ASL: variants seen among roughly 807,000 people sequenced by gnomAD.
ASL encodes the protein argininosuccinase.
In ASL, 51 loss-of-function variants were observed where a neutral mutation model predicts 69.1. The ratio of observed to expected loss-of-function variants is 0.74; its 90% CI spans 0.59 to 0.93. The LOEUF (loss-of-function observed/expected upper bound fraction) is 0.93, where lower values mean the gene tolerates loss of function less well. ASL is among the 40% of genes least tolerant of loss of function. The pLI, the probability that ASL is intolerant of heterozygous loss-of-function variation, is 0.00. For synonymous variants in ASL, 241 were observed against 247.6 expected (o/e 0.97, Z 0.25); for missense variants, 540 against 623.9 (o/e 0.87, Z 1.43).
chr7:66,091,874 G>A, intron 14 of ASL, 132 bp from the exon 15 acceptor site: 1 of 860,576 alleles, frequency 1.2e-6, no homozygotes, highest in Non-Finnish European at 2.0e-6. Flanking sequence ...AGTTGAGAGT[G>A]AGACAGAGCC....
In ASL at chr7:66,093,191, CA is replaced by C; in HGVS notation, c.*280del. ...AAATAGCCTGGCGTGGTGGCCCATG[CA>C]TATAGTCCCAGCTACTTGTAAGGCT... On this transcript the variant is annotated 3_prime_UTR_variant, in exon 17 of 17. Transcript: ENST00000304874. The C allele has an allele frequency of 1.9e-6, 1 of 522,912 alleles. No homozygotes were observed. Among genetic ancestry groups the C allele is most frequent in the South Asian group, 2.0e-5 (1 of 50,072 alleles). 32.4% of individuals were successfully genotyped at this position (522,912 alleles called of 1,614,324 possible). A position where few individuals can be genotyped will look rare whatever the true frequency, so the allele number is the denominator to read the frequency against.
chr7:66,080,175 T>C (rs1786459466), intron 2 of ASL, among the ~76,000 whole-genome samples: 1 of 150,508 alleles, frequency 6.6e-6, no homozygotes, highest in Non-Finnish European at 1.5e-5. Flanking sequence ...GAGGTCAGAT[T>C]AAGACCATCC....
intron 8 of ASL, 178 bp downstream of exon 8, chr7:66,086,999 G>A: frequency 1.2e-6 from 1 of 823,074 alleles, no homozygotes; most frequent in Non-Finnish European, 1.9e-6. Context: ...GAATGTGTCT[G>A]AGCAGGGCCA....
chr7:66,082,241 C>T lies in ASL; in HGVS notation c.208-127C>T, dbSNP rs187671721. The T allele has an allele frequency of 1.0e-3, 1,175 of 1,133,586 alleles. 3 individuals are homozygous for T. The African/African-American group carries it at 0.014, about 13-fold the overall frequency. The allele number at this position is 1,133,586 out of a possible 1,614,324, so 70.2% of individuals were successfully genotyped here. The stretch of plus-strand genomic sequence containing the variant: ...GCCTGAGATGCCCCCTCCCAGGGTG[C>T]GCTTCCAGGACTCAGCTCCTGGGCA... On this transcript the variant is annotated intron_variant, in intron 3 of 16. Coordinates refer to ENST00000304874, the MANE Select transcript of ASL (RefSeq NM_000048.4).
Position 66,092,485 on chromosome 7 carries a change from G to A in ASL, c.1144-72G>A, listed in dbSNP as rs570936087. On this transcript the variant is annotated intron_variant, in intron 15 of 16. Coordinates refer to ENST00000304874, the MANE Select transcript of ASL (RefSeq NM_000048.4). ...AGAAAAAAAAAAAAAAAAGGAAGGGGGTGCAGGCAATGGAGGCAGATCAGG... is the reference window on the plus strand; with the variant it reads ...AGAAAAAAAAAAAAAAAAGGAAGGGAGTGCAGGCAATGGAGGCAGATCAGG... The A allele has an allele frequency of 1.3e-5, 18 of 1,373,984 alleles. No individual in the cohort carries two copies. The African/African-American group carries it at 2.1e-4, about 16-fold the overall frequency. 85.1% of individuals were successfully genotyped at this position (1,373,984 alleles called of 1,614,324 possible).
intron 2 of ASL, among the ~76,000 whole-genome samples, chr7:66,081,304 A>G (rs1433070972): frequency 1.3e-5 from 2 of 152,036 alleles, no homozygotes; most frequent in African/African-American, 4.8e-5. Flanking sequence ...TCAAGGCCAC[A>G]CACAGTGGCT....
rs1786786034 is a variant in ASL, at chr7:66,089,620, G to A, written c.987G>A (p.Lys329=). ...TGCCATGTGCCTCCCAGGAGGACAA[G>A]GAAGCTGTGTTTGAAGTGTCAGACA... The part of the protein sequence containing the change: ...STYNKDLQED[K]EAVFEVSDTM... The change falls in exon 14 of 17, where the codon AAG becomes AAA. Residue 329 remains lysine, a synonymous_variant. Transcript: ENST00000304874. 6.2e-7 allele frequency: 1 copy of A among 1,613,838 alleles called. No individual in the cohort carries two copies. Among genetic ancestry groups the A allele is most frequent in the Non-Finnish European group, 8.5e-7 (1 of 1,180,006 alleles).
chr7:66,092,817 G>T lies in ASL; in HGVS notation c.1300G>T (p.Val434Leu), dbSNP rs773071023. The change falls in exon 17 of 17, where the codon GTG (valine) becomes TTG (leucine). Residue 434 changes from valine (V) to leucine (L), a missense_variant. Coordinates refer to ENST00000304874, the MANE Select transcript of ASL (RefSeq NM_000048.4). Reference sequence around the variant, plus strand: ...CTGCGTGTGGGACTACGGGCACAGTGTGGAGCAGTATGGTGCCCTGGGCGG... The same window carrying T: ...CTGCGTGTGGGACTACGGGCACAGTTTGGAGCAGTATGGTGCCCTGGGCGG... ...VICVWDYGHS[V>L]EQYGALGGTA... is the part of the protein sequence containing the mutation. 9 of 1,613,874 alleles carry T rather than the reference G, an allele frequency of 5.6e-6. No homozygotes were observed. The South Asian group carries it at 8.8e-5, about 16-fold the overall frequency.
chr7:66,092,657 C>A lies in ASL; in HGVS notation c.1244C>A (p.Thr415Asn). ...CAGCTGTCACTGCAGGAGCTGCAGA[C>A]CATCAGGTACGGCCCATCCCCTTCC... is the stretch of plus-strand genomic sequence containing the variant. ...LNQLSLQELQ[T>N]ISPLFSGDVI... Residue 415 changes from threonine (T) to asparagine (N), a missense_variant, in exon 16 of 17, where the codon ACC becomes AAC. Thr to Asn is a moderately conservative substitution (Grantham distance 65). Coordinates refer to ENST00000304874, the MANE Select transcript of ASL (RefSeq NM_000048.4). 6.2e-7 allele frequency: 1 copy of A among 1,613,738 alleles called. No homozygotes were observed. The highest frequency in any genetic ancestry group is 8.5e-7 in the Non-Finnish European group (1 of 1,179,974).
chr7:66,088,899 G>C lies in ASL; in HGVS notation c.811G>C (p.Val271Leu). The C allele has an allele frequency of 1.2e-6, 2 of 1,613,956 alleles. No homozygotes were observed. The highest frequency in any genetic ancestry group is 2.2e-5 in the South Asian group (2 of 91,036). The stretch of plus-strand genomic sequence containing the variant: ...CTACTGCACCAAGGAATTCAGCTTC[G>C]TGCAGCTCTCAGATGCCTACAGGTA... The part of the protein sequence containing the change: ...ILYCTKEFSF[V>L]QLSDAYSTGS... The change falls in exon 11 of 17, where the codon GTG becomes CTG. Residue 271 changes from valine to leucine, a missense_variant. By Grantham distance (32) the Val-to-Leu change is conservative (BLOSUM62 1). Transcript: ENST00000304874.
intron 8 of ASL, 75 bp from the exon 9 acceptor site, chr7:66,087,243 CGTGTGTGTGTGTGTGT>C (rs60055215): frequency 1.8e-4 from 171 of 976,808 alleles, no homozygotes; most frequent in South Asian, 1.3e-3. Flanking sequence ...TGTGTGCGTT[CGTGTGTGTGTGTGTGT>C]GTGTGTGTGT....
chr7:66,092,130 C>A, intron 15 of ASL, 44 bp downstream of exon 15: 1 of 1,598,936 alleles, frequency 6.3e-7, no homozygotes, highest in Non-Finnish European at 8.5e-7. Context: ...GATGGGGTGC[C>A]CCCCCCAGAG....
At chr7:66,079,767 G>A (rs1207969488) in intron 2 of ASL, among the ~76,000 whole-genome samples, 4 of 152,024 alleles carry the variant, frequency 2.6e-5, no homozygotes, top group African/African-American at 9.7e-5. Context: ...CTACAGGCGA[G>A]TGCCACCACG....
chr7:66,082,193 G>A (rs1400667489), intron 3 of ASL, among the ~76,000 whole-genome samples, 175 bp from the exon 4 acceptor site: 2 of 152,120 alleles, frequency 1.3e-5, no homozygotes, highest in East Asian at 1.9e-4. Context: ...GGCCCACATG[G>A]CTCATGGGTA....
chr7:66,089,410 C>A, intron 13 of ASL, 75 bp downstream of exon 13: 1 of 1,538,638 alleles, frequency 6.5e-7, no homozygotes, highest in South Asian at 1.2e-5. Flanking sequence ...GGGCCCCACC[C>A]CGGGATTGCC....
In ASL at chr7:66,089,079, C is replaced by A. The variant is rs866982987; in HGVS notation, c.834-12C>A. ...GGTCCAGCCCCTTCAGCGCCAGCAC[C>A]TCTGTCCCCAGCACGGGAAGCAGCC... On this transcript the variant is annotated splice_polypyrimidine_tract_variant and intron_variant, in intron 11 of 16. Coordinates refer to ENST00000304874, the MANE Select transcript of ASL (RefSeq NM_000048.4). 6.8e-6 allele frequency: 11 copies of A among 1,613,742 alleles called. No homozygotes were observed. Among genetic ancestry groups the A allele is most frequent in the Middle Eastern group, 1.6e-4 (1 of 6,084 alleles).
intron 2 of ASL, among the ~76,000 whole-genome samples, chr7:66,078,704 T>C (rs1786417685): frequency 8.0e-6 from 1 of 125,298 alleles, no homozygotes. Context: ...GCGCCATCTC[T>C]GCTCACCGCA....
rs947825137 is a variant in ASL at position 66,093,169 on chromosome 7, T to A, written c.*257T>A. ...CATCTCTACTCAATAATAAAACAAA[T>A]AGCCTGGCGTGGTGGCCCATGCATA... is the stretch of plus-strand genomic sequence containing the variant. On this transcript the variant is annotated 3_prime_UTR_variant, in exon 17 of 17. Transcript: ENST00000304874. 7 of 557,044 alleles carry A rather than the reference T, an allele frequency of 1.3e-5. No homozygotes were observed. The African/African-American group carries it at 1.3e-4, about 11-fold the overall frequency. 34.5% of individuals were successfully genotyped at this position (557,044 alleles called of 1,614,324 possible).
At position 66,088,134 on chromosome 7, in the gene ASL, C is replaced by T. The variant is rs369563509; in HGVS notation, c.718+343C>T. Among the ~76,000 whole-genome samples, 10 of 151,924 alleles carry T rather than the reference C, an allele frequency of 6.6e-5. No individual in the cohort carries two copies. In the East Asian group the frequency reaches 1.7e-3, roughly 26 times the overall value. ...GAGCCAAGATCACGCCAGTGCACTC[C>T]AGCCTGGGCAACAAGAGCGAAACTC... On this transcript the variant is annotated intron_variant, in intron 10 of 16. Transcript: ENST00000304874.
Sources: allele counts gnomAD v4.1 joint callset (sites outside exome capture counted in the v4.1 genomes callset), GRCh38; gene constraint gnomAD v4.1.1; transcripts MANE v1.5; gene names NCBI Gene and HGNC (gene_info 2026-07-23, HGNC 2026-07-21).